FBXW12: variants seen among roughly 807,000 people sequenced by gnomAD.
The protein encoded by FBXW12 is F-box/WD repeat-containing protein 12.
FBXW12 carries 43 observed loss-of-function variants against 55.3 expected under a neutral mutation model. That is an observed-to-expected ratio of 0.78 (90% CI 0.61 to 1.00). FBXW12 has a LOEUF of 1.00. FBXW12 is among the 50% of genes least tolerant of loss of function. The pLI is 0.00. For missense variants in FBXW12, 524 were observed against 560.5 expected (o/e 0.93, Z 0.66); for synonymous variants, 184 against 203.8 (o/e 0.90, Z 0.83).
chr3:48,382,298 G>A (rs2036789034), intron 10 of FBXW12, among the ~76,000 whole-genome samples: 1 of 152,128 alleles, frequency 6.6e-6, no homozygotes, highest in Non-Finnish European at 1.5e-5. Flanking sequence ...TGTATTTTTA[G>A]TAGAGACTGG....
intron 6 of FBXW12, 55 bp downstream of exon 6, chr3:48,378,581 T>C: frequency 1.4e-6 from 2 of 1,402,538 alleles, no homozygotes; most frequent in African/African-American, 2.8e-5. Context: ...TGTTGTCTTG[T>C]CAGGCATCCG....
chr3:48,381,605 T>A lies in FBXW12; in HGVS notation c.986-95T>A, dbSNP rs1384495216. 5.9e-5 allele frequency: 81 copies of A among 1,370,424 alleles called. 1 individual carries two copies. In the South Asian group the frequency reaches 1.4e-3, roughly 24 times the overall value. 84.9% of individuals were successfully genotyped at this position (1,370,424 alleles called of 1,614,324 possible). A position where few individuals can be genotyped will look rare whatever the true frequency, so the allele number is the denominator to read the frequency against. On this transcript the variant is annotated intron_variant, in intron 8 of 10. Transcript: ENST00000296438. ...AAGTCTGTGGAAGTGGGGACTATGCTTTTTTATTCAGTGTGAGGATATTAT... is the reference window on the plus strand; with the variant it reads ...AAGTCTGTGGAAGTGGGGACTATGCATTTTTATTCAGTGTGAGGATATTAT...
chr3:48,379,348 T>G (rs1328402300), intron 6 of FBXW12, 52 bp from the exon 7 acceptor site: 2 of 1,582,594 alleles, frequency 1.3e-6, no homozygotes, highest in East Asian at 4.5e-5. Context: ...CCTCTGTACT[T>G]CAGGATTTCA....
chr3:48,375,362 A>ACG lies in FBXW12; in HGVS notation c.296_297dup (p.Glu100ArgfsTer40). 1 of 1,601,730 alleles carries ACG rather than the reference A, an allele frequency of 6.2e-7. No homozygotes were observed. Among genetic ancestry groups the ACG allele is most frequent in the Non-Finnish European group, 8.5e-7 (1 of 1,169,826 alleles). On this transcript the variant is annotated frameshift_variant, in exon 5 of 11. Coordinates refer to ENST00000296438, the MANE Select transcript of FBXW12 (RefSeq NM_207102.2). LOFTEE classifies it high-confidence loss of function. ...TCTATGTTTCCTTCTAGCATTTGAGACGGAGTTGGCTTATCTCTCAGGAAA... is the reference window on the plus strand; with the variant it reads ...TCTATGTTTCCTTCTAGCATTTGAGACGCGGAGTTGGCTTATCTCTCAGGAAA...
Position 48,379,414 on chromosome 3 carries a change from A to G in FBXW12, c.630A>G (p.Ala210=), listed in dbSNP as rs761001452. ...TTTGGTTTCAGGTTGGCGATGCTGC[A>G]GGTGACATCTACACATTTACACTGC... ...DGPFLMVGDA[A]GDIYTFTLPG... is the part of the protein sequence containing the mutation. The change falls in exon 7 of 11, where the codon GCA becomes GCG. Residue 210 remains alanine, a synonymous_variant. Coordinates refer to ENST00000296438, the MANE Select transcript of FBXW12 (RefSeq NM_207102.2). 2 of 1,613,704 alleles carry G rather than the reference A, an allele frequency of 1.2e-6. No individual in the cohort carries two copies. The highest frequency in any genetic ancestry group is 1.7e-6 in the Non-Finnish European group (2 of 1,179,864).
intron 5 of FBXW12, among the ~76,000 whole-genome samples, chr3:48,378,048 G>A (rs1306770263): frequency 1.3e-5 from 2 of 152,178 alleles, no homozygotes; most frequent in African/African-American, 4.8e-5. Flanking sequence ...GCTGCACTGT[G>A]AGTAGGAGGC....
At chr3:48,372,882 C>A (rs780805542) in intron 2 of FBXW12, 25 bp downstream of exon 2, 1 of 1,599,654 alleles carries the variant, frequency 6.3e-7, no homozygotes, top group Non-Finnish European at 8.6e-7. Flanking sequence ...CCTCCCACTG[C>A]CCCCCAAGCC....
chr3:48,386,613 A>G (rs1470496483), intron 10 of FBXW12, among the ~76,000 whole-genome samples: 1 of 152,204 alleles, frequency 6.6e-6, no homozygotes, highest in African/African-American at 2.4e-5. Context: ...CTTCCAATCC[A>G]TGAATATGGG....
chr3:48,393,198 G>A (rs2036956560), intron 10 of FBXW12, among the ~76,000 whole-genome samples: 1 of 152,196 alleles, frequency 6.6e-6, no homozygotes, highest in East Asian at 1.9e-4. Flanking sequence ...GTTTTGCCAC[G>A]TTGGTCAGGC....
intron 10 of FBXW12, among the ~76,000 whole-genome samples, chr3:48,393,467 G>A (rs151333751): frequency 1.6e-3 from 244 of 152,282 alleles, no homozygotes; most frequent in Non-Finnish European, 2.2e-3. Context: ...CTGGTGGAGA[G>A]GGGTAAAAGT....
Position 48,379,537 on chromosome 3 carries a change from A to T in FBXW12, c.753A>T (p.Thr251=). ...AGAAATGGGTATTTGCATGTGGGAC[A>T]TACAGTCGTACCTTGCCACAGGTAG... ...PDKKWVFACG[T]YSRTLPQVFL... The change falls in exon 7 of 11, where the codon ACA becomes ACT. Residue 251 remains threonine, a synonymous_variant. Transcript: ENST00000296438. 6.2e-7 allele frequency: 1 copy of T among 1,614,174 alleles called. No homozygotes were observed. Among genetic ancestry groups the T allele is most frequent in the Non-Finnish European group, 8.5e-7 (1 of 1,179,988 alleles).
intron 7 of FBXW12, chr3:48,380,235 A>C: frequency 6.4e-6 from 1 of 157,072 alleles, no homozygotes; most frequent in Admixed American, 6.0e-5. Context: ...AAGTGTAGAG[A>C]AGTCCAAAAG....
Position 48,375,371 on chromosome 3 carries a change from G to A in FBXW12, c.304G>A (p.Ala102Thr), listed in dbSNP as rs1276305792. ...CCTTCTAGCATTTGAGACGGAGTTGGCTTATCTCTCAGGAAATAGACTTAC... is the reference window on the plus strand; with the variant it reads ...CCTTCTAGCATTTGAGACGGAGTTGACTTATCTCTCAGGAAATAGACTTAC... ...TKNIAFETEL[A>T]YLSGNRLTVD... The change falls in exon 5 of 11, where the codon GCT becomes ACT. Residue 102 changes from alanine (A) to threonine (T), a missense_variant. Coordinates refer to ENST00000296438, the MANE Select transcript of FBXW12 (RefSeq NM_207102.2). 6.2e-7 allele frequency: 1 copy of A among 1,609,442 alleles called. No individual in the cohort carries two copies. Among genetic ancestry groups the A allele is most frequent in the African/African-American group, 1.3e-5 (1 of 74,814 alleles).
Position 48,378,515 on chromosome 3 carries a change from C to G in FBXW12, c.604C>G (p.Pro202Ala). ...CMEAYLTKDG[P>A]FLMVGDAAGD... is the part of the protein sequence containing the mutation. ...GGAAGCCTATCTTACAAAGGATGGC[C>G]CATTCCTGATGGTAAGTGAGCCCTG... The change falls in exon 6 of 11, where the codon CCA (proline) becomes GCA (alanine). Residue 202 changes from proline (P) to alanine (A), a missense_variant. Physicochemically the swap from Pro to Ala is conservative, Grantham distance 27 (BLOSUM62 -1). Coordinates refer to ENST00000296438, the MANE Select transcript of FBXW12 (RefSeq NM_207102.2). The G allele has an allele frequency of 6.2e-7, 1 of 1,613,722 alleles. No individual in the cohort carries two copies. Among genetic ancestry groups the G allele is most frequent in the South Asian group, 1.1e-5 (1 of 90,992 alleles).
intron 6 of FBXW12, 123 bp downstream of exon 6, chr3:48,378,649 CTG>C (rs1360780125): frequency 1.3e-6 from 1 of 758,622 alleles, no homozygotes. Context: ...GAGTCTCACT[CTG>C]TTGCTCAGGC....
At chr3:48,382,152 A>G in intron 10 of FBXW12, 67 bp downstream of exon 10, 2 of 1,569,576 alleles carry the variant, frequency 1.3e-6, no homozygotes, top group Non-Finnish European at 1.7e-6. Flanking sequence ...GAGTCTCCCT[A>G]TGTCACCAGG....
At chr3:48,377,736 C>A (rs1271485531) in intron 5 of FBXW12, among the ~76,000 whole-genome samples, 2 of 152,160 alleles carry the variant, frequency 1.3e-5, no homozygotes, top group East Asian at 3.8e-4. Flanking sequence ...AGAGCACATG[C>A]AAAGGGGACT....
At chr3:48,393,326 C>T (rs1185384105) in intron 10 of FBXW12, among the ~76,000 whole-genome samples, 2 of 152,044 alleles carry the variant, frequency 1.3e-5, no homozygotes, top group African/African-American at 4.8e-5. Context: ...CGTCAGTGCA[C>T]CGGGGGAGAT....
At chr3:48,383,215 C>T (rs1050382670) in intron 10 of FBXW12, among the ~76,000 whole-genome samples, 1 of 152,130 alleles carries the variant, frequency 6.6e-6, no homozygotes, top group Middle Eastern at 3.2e-3. Flanking sequence ...TAAATTTTAG[C>T]CTACACCAAT....
Sources: allele counts gnomAD v4.1 joint callset (sites outside exome capture counted in the v4.1 genomes callset), GRCh38; gene constraint gnomAD v4.1.1; transcripts MANE v1.5; gene names NCBI Gene and HGNC (gene_info 2026-07-23, HGNC 2026-07-21).